PEBP4: variants seen among roughly 807,000 people sequenced by gnomAD.
PEBP4 encodes the protein phosphatidylethanolamine binding protein 4, also known as phosphatidylethanolamine-binding protein 4.
PEBP4 carries 22 observed loss-of-function variants against 23.9 expected under a neutral mutation model. The ratio of observed to expected loss-of-function variants is 0.92; its 90% confidence interval spans 0.66 to 1.31. PEBP4 has a LOEUF of 1.31. PEBP4 is among the 40% of genes most tolerant of loss of function. The probability of loss-of-function intolerance (pLI) is 0.00; values close to 1 mark genes in which losing one functional copy is unlikely to be tolerated. For missense variants in PEBP4, 324 were observed against 281.7 expected (o/e 1.15, Z -1.07); for synonymous variants, 112 against 99.3 (o/e 1.13, Z -0.76).
intron 3 of PEBP4, among the ~76,000 whole-genome samples, chr8:22,833,451 C>A (rs1807130624): frequency 6.6e-6 from 1 of 152,166 alleles, no homozygotes; most frequent in Admixed American, 6.5e-5. Context: ...TCTGCCTCGG[C>A]CTCCCGAGTA....
chr8:22,913,089 T>C (rs1563258972), intron 3 of PEBP4, among the ~76,000 whole-genome samples: 1 of 152,226 alleles, frequency 6.6e-6, no homozygotes, highest in African/African-American at 2.4e-5. Flanking sequence ...TCTCTTTCTA[T>C]TGTAGTGACA....
intron 4 of PEBP4, among the ~76,000 whole-genome samples, chr8:22,777,170 T>C (rs192439751): frequency 1.3e-5 from 2 of 152,150 alleles, no homozygotes; most frequent in African/African-American, 4.8e-5. Flanking sequence ...TGCTGGCCCC[T>C]TCCTCATTTT....
chr8:22,735,636 T>C (rs1453911769), intron 4 of PEBP4, among the ~76,000 whole-genome samples: 2 of 152,198 alleles, frequency 1.3e-5, no homozygotes, highest in African/African-American at 4.8e-5. Flanking sequence ...AGGCTTCTTC[T>C]CTTCTCCAAA....
intron 4 of PEBP4, among the ~76,000 whole-genome samples, chr8:22,772,457 CT>C (rs571339087): frequency 2.2e-4 from 33 of 149,290 alleles, no homozygotes; most frequent in African/African-American, 7.9e-4. Context: ...TCACAACAAC[CT>C]TGTGGGGCAG....
intron 4 of PEBP4, among the ~76,000 whole-genome samples, chr8:22,787,225 T>A (rs1054744381): frequency 1.3e-5 from 2 of 152,162 alleles, no homozygotes; most frequent in African/African-American, 4.8e-5. Flanking sequence ...TGGTAGGATT[T>A]GCACAGGTGA....
chr8:22,875,090 G>A lies in PEBP4; in HGVS notation c.258+45094C>T, dbSNP rs116965160. On this transcript the variant is annotated intron_variant, in intron 3 of 6. Transcript: ENST00000256404. ...CACAGCCTGACCATCCTTTTCCTTC[G>A]CCACCTCAGGACTCAGCCTCGTTAG... 8.0e-3 allele frequency among the ~76,000 whole-genome samples: 1,202 copies of A among 150,790 alleles called. 7 individuals carry two copies. The highest frequency in any genetic ancestry group is 0.012 in the Non-Finnish European group (832 of 67,766).
upstream of PEBP4, among the ~76,000 whole-genome samples, chr8:22,930,932 C>A (rs374486431): frequency 2.6e-5 from 4 of 152,152 alleles, no homozygotes; most frequent in Non-Finnish European, 4.4e-5. Flanking sequence ...TGGGCTGGGA[C>A]CACCTCCAGA....
intron 3 of PEBP4, among the ~76,000 whole-genome samples, chr8:22,879,113 C>G (rs1211350437): frequency 4.6e-5 from 7 of 152,164 alleles, no homozygotes; most frequent in Admixed American, 6.5e-5. Context: ...GTGAATAGAT[C>G]TCAGCTAGGA....
At chr8:22,822,546 A>AT (rs541585684) in intron 3 of PEBP4, among the ~76,000 whole-genome samples, 1 of 151,984 alleles carries the variant, frequency 6.6e-6, no homozygotes, top group East Asian at 1.9e-4. Context: ...TCTTCTTTTT[A>AT]TTTTTTTGCA....
chr8:22,720,007 T>G (rs1005745313), intron 6 of PEBP4, among the ~76,000 whole-genome samples: 1 of 152,140 alleles, frequency 6.6e-6, no homozygotes, highest in Non-Finnish European at 1.5e-5. Context: ...GAATGGCTTG[T>G]GGATGTGCAT....
At position 22,897,334 on chromosome 8, in the gene PEBP4, G is replaced by A. The variant is rs547989970; in HGVS notation, c.258+22850C>T. Among the ~76,000 whole-genome samples, 48 of 152,274 alleles carry A rather than the reference G, an allele frequency of 3.2e-4. 1 individual carries two copies. Among genetic ancestry groups the A allele is most frequent in the African/African-American group, 1.1e-3 (45 of 41,554 alleles). On this transcript the variant is annotated intron_variant, in intron 3 of 6. Transcript: ENST00000256404. ...TGCGTTCAGAAGCACAGATATGGAT[G>A]GAGGAGGGGAGGTAGAGGAGAATGA...
chr8:22,864,348 T>C (rs1332238605), intron 3 of PEBP4, among the ~76,000 whole-genome samples: 3 of 152,266 alleles, frequency 2.0e-5, no homozygotes, highest in Admixed American at 6.5e-5. Flanking sequence ...CCTATTTGTA[T>C]TGTGATGATC....
chr8:22,719,401 G>A (rs1804477117), intron 6 of PEBP4, among the ~76,000 whole-genome samples: 1 of 152,188 alleles, frequency 6.6e-6, no homozygotes, highest in Non-Finnish European at 1.5e-5. Flanking sequence ...ACACCTCTGG[G>A]TGAGGTGACC....
intron 4 of PEBP4, among the ~76,000 whole-genome samples, chr8:22,769,854 G>T (rs1006066121): frequency 5.9e-5 from 9 of 152,082 alleles, no homozygotes; most frequent in Non-Finnish European, 1.0e-4. Flanking sequence ...AAAGAAAGCC[G>T]TCATCCTTCC....
intron 6 of PEBP4, among the ~76,000 whole-genome samples, chr8:22,716,571 G>T (rs946062236): frequency 5.9e-5 from 9 of 152,256 alleles, no homozygotes; most frequent in African/African-American, 2.2e-4. Context: ...AGGCCCTGGG[G>T]CAGGTCTTGA....
intron 3 of PEBP4, among the ~76,000 whole-genome samples, chr8:22,882,677 C>T (rs1181281889): frequency 1.3e-5 from 2 of 152,196 alleles, no homozygotes; most frequent in Non-Finnish European, 2.9e-5. Flanking sequence ...CCTGGAGGGA[C>T]TGCCCCTCCC....
intron 6 of PEBP4, 131 bp from the exon 7 acceptor site, chr8:22,713,667 T>C (rs1363855580): frequency 1.2e-5 from 15 of 1,293,568 alleles, no homozygotes; most frequent in Non-Finnish European, 1.5e-5. Context: ...TGGGGCGTAG[T>C]GGCTGGGGGA....
chr8:22,765,283 A>G (rs2128753392), intron 4 of PEBP4, among the ~76,000 whole-genome samples: 1 of 152,200 alleles, frequency 6.6e-6, no homozygotes, highest in Middle Eastern at 3.4e-3. Flanking sequence ...AGCTGAGACT[A>G]CAGGTATGTG....
At chr8:22,852,958 C>G (rs894759325) in intron 3 of PEBP4, among the ~76,000 whole-genome samples, 1 of 152,192 alleles carries the variant, frequency 6.6e-6, no homozygotes, top group Non-Finnish European at 1.5e-5. Flanking sequence ...GCATCATTAG[C>G]GCAGCCAGAT....
Sources: gnomAD v4.1 joint callset for allele counts (sites outside exome capture counted in the v4.1 genomes callset) on GRCh38, gnomAD v4.1.1 for gene constraint, MANE v1.5 for transcripts, NCBI Gene and HGNC (gene_info 2026-07-23, HGNC 2026-07-21) for gene names.